Variants in BAZ1B observed in about 807,000 individuals in gnomAD.
BAZ1B encodes the protein tyrosine-protein kinase BAZ1B.
A neutral mutation model predicts 153.8 loss-of-function variants in BAZ1B; 22 were observed. The observed-to-expected ratio is 0.14, with a 90% CI of 0.10 to 0.20. The LOEUF (loss-of-function observed/expected upper bound fraction) is 0.20, where lower values mean the gene tolerates loss of function less well. BAZ1B is among the 10% of genes least tolerant of loss of function. BAZ1B has a pLI of 1.00. For missense variants in BAZ1B, 1,325 were observed against 1,799.3 expected, an observed-to-expected ratio of 0.74 and a Z score of 4.77; for synonymous variants, 676 against 633.4, an observed-to-expected ratio of 1.07 and a Z score of -1.01.
intron 6 of BAZ1B, among the ~76,000 whole-genome samples, chr7:73,481,369 T>G (rs1789191167): frequency 1.3e-5 from 2 of 151,770 alleles, no homozygotes; most frequent in Non-Finnish European, 2.9e-5. Context: ...CAAAAAATTT[T>G]AGCCAGGTGC....
chr7:73,491,201 G>A lies in BAZ1B; in HGVS notation c.693+1599C>T, dbSNP rs985261199. Among the ~76,000 whole-genome samples the A allele has an allele frequency of 1.3e-4, 19 of 151,888 alleles. 1 individual carries two copies. The highest frequency in any genetic ancestry group is 8.4e-4 in the South Asian group (4 of 4,790). ...CTTGTGAGGCTGAGGCAGGAGAATC[G>A]CTTGAATCCGAGAGGCAGAGGCTGT... On this transcript the variant is annotated intron_variant, in intron 5 of 19. Transcript: ENST00000339594.
intron 7 of BAZ1B, among the ~76,000 whole-genome samples, chr7:73,471,492 T>C (rs1046747764): frequency 5.3e-5 from 8 of 152,186 alleles, no homozygotes; most frequent in African/African-American, 1.7e-4. Context: ...CAATGCTATT[T>C]ACAATGTCAC....
At chr7:73,466,092 A>C (rs1340910145) in intron 10 of BAZ1B, among the ~76,000 whole-genome samples, 2 of 152,206 alleles carry the variant, frequency 1.3e-5, no homozygotes, top group Admixed American at 1.3e-4. Context: ...GAAAAAATCA[A>C]AATTCCAACC....
At chr7:73,453,298 C>T (rs966781125) in intron 13 of BAZ1B, among the ~76,000 whole-genome samples, 2 of 152,232 alleles carry the variant, frequency 1.3e-5, no homozygotes, top group African/African-American at 4.8e-5. Flanking sequence ...CCATGCTTTC[C>T]ATTTATGTAC....
intron 1 of BAZ1B, among the ~76,000 whole-genome samples, chr7:73,517,043 C>T (rs545029851): frequency 2.0e-5 from 3 of 151,760 alleles, no homozygotes; most frequent in South Asian, 2.1e-4. Flanking sequence ...ATTAGCCAGG[C>T]GTGGTGGTGG....
intron 16 of BAZ1B, among the ~76,000 whole-genome samples, chr7:73,446,969 T>G (rs1373741245): frequency 2.0e-5 from 3 of 152,236 alleles, no homozygotes; most frequent in African/African-American, 7.2e-5. Context: ...GCCGAGGAGC[T>G]GAGAATCAGC....
chr7:73,450,739 C>T lies in BAZ1B; in HGVS notation c.3580+108G>A. The stretch of plus-strand genomic sequence containing the variant: ...CTGCAGGAGAGTAAAATCTATACCA[C>T]ACTTATATTCTGTGTACACAAAATT... On this transcript the variant is annotated intron_variant, in intron 14 of 19. Coordinates refer to ENST00000339594, the MANE Select transcript of BAZ1B (RefSeq NM_032408.4). The surrounding 1 kb of genome is among the most constrained non-coding windows in gnomAD (Gnocchi z 4.1). 7.6e-7 allele frequency: 1 copy of T among 1,321,140 alleles called. No homozygotes were observed. Among genetic ancestry groups the T allele is most frequent in the Non-Finnish European group, 1.1e-6 (1 of 947,646 alleles). The allele number at this position is 1,321,140 out of a possible 1,614,324, so 81.8% of individuals were successfully genotyped here. A position where few individuals can be genotyped will look rare whatever the true frequency, so the allele number is the denominator to read the frequency against.
intron 6 of BAZ1B, among the ~76,000 whole-genome samples, chr7:73,483,470 C>T (rs372947415): frequency 1.1e-3 from 173 of 152,234 alleles, no homozygotes; most frequent in South Asian, 3.1e-3. Context: ...TCTCAATTTC[C>T]ACATGCCTTT....
chr7:73,509,879 C>T (rs1554578338), intron 2 of BAZ1B, among the ~76,000 whole-genome samples: 1 of 152,040 alleles, frequency 6.6e-6, no homozygotes, highest in African/African-American at 2.4e-5. Flanking sequence ...GTAATCCCAG[C>T]ACTTTGGGAG....
intron 15 of BAZ1B, among the ~76,000 whole-genome samples, chr7:73,448,487 A>C (rs1554567221): frequency 6.6e-6 from 1 of 152,270 alleles, no homozygotes; most frequent in Non-Finnish European, 1.5e-5. Flanking sequence ...CAGGGCATTC[A>C]TAATCTCATG....
At position 73,476,934 on chromosome 7, in the gene BAZ1B, T is replaced by C; in HGVS notation, c.2527A>G (p.Lys843Glu). 6.2e-7 allele frequency: 1 copy of C among 1,614,112 alleles called. No homozygotes were observed. The highest frequency in any genetic ancestry group is 8.5e-7 in the Non-Finnish European group (1 of 1,180,026). Residue 843 changes from lysine (K) to glutamate (E), a missense_variant, in exon 7 of 20, where the codon AAG becomes GAG. By Grantham distance (56) the Lys-to-Glu change is moderately conservative. This residue lies in a region of BAZ1B where 431 missense variants were observed against 563.5 expected (regional missense o/e 0.76). Transcript: ENST00000339594. ...TGAATGGCAAGCAACCTTCTGCTCT[T>C]CACAGCACTAATCATGTCTTCAGCT... ...TEAEDMISAV[K>E]SRRLLAIQAK...
intron 13 of BAZ1B, among the ~76,000 whole-genome samples, chr7:73,458,126 T>A (rs1351995897): frequency 6.6e-6 from 1 of 152,186 alleles, no homozygotes; most frequent in Non-Finnish European, 1.5e-5. Flanking sequence ...GCGACTGGCA[T>A]CTGAAGTGAG....
At chr7:73,446,546 C>CAAAAAAAA (rs1175189600) in intron 16 of BAZ1B, among the ~76,000 whole-genome samples, 2 of 41,530 alleles carry the variant, frequency 4.8e-5, no homozygotes, top group African/African-American at 8.2e-5. Flanking sequence ...GAGACCATCT[C>CAAAAAAAA]AAAAAAAAAA....
chr7:73,479,851 C>A (rs1470853285), intron 6 of BAZ1B, among the ~76,000 whole-genome samples: 1 of 152,040 alleles, frequency 6.6e-6, no homozygotes, highest in Non-Finnish European at 1.5e-5. Context: ...AGCTGAAACA[C>A]GGCTAAAATA....
Position 73,508,474 on chromosome 7 carries a change from A to C in BAZ1B, c.225-3T>G. 1 of 1,603,236 alleles carries C rather than the reference A, an allele frequency of 6.2e-7. No individual in the cohort carries two copies. Among genetic ancestry groups the C allele is most frequent in the Non-Finnish European group, 8.5e-7 (1 of 1,175,416 alleles). ...AGGCAGGAAACTCCTCCTTCAAACT[A>C]AATAAATGTAATTAGTTATCAAGAA... On this transcript the variant is annotated splice_polypyrimidine_tract_variant and splice_region_variant and intron_variant, in intron 2 of 19. Coordinates refer to ENST00000339594, the MANE Select transcript of BAZ1B (RefSeq NM_032408.4).
intron 7 of BAZ1B, among the ~76,000 whole-genome samples, chr7:73,470,905 T>C (rs2116316499): frequency 6.6e-6 from 1 of 152,292 alleles, no homozygotes; most frequent in South Asian, 2.1e-4. Flanking sequence ...CAGCTAATTT[T>C]TACATTTTTA....
chr7:73,487,670 T>C (rs539517185), intron 6 of BAZ1B, among the ~76,000 whole-genome samples: 1 of 152,304 alleles, frequency 6.6e-6, no homozygotes, highest in East Asian at 1.9e-4. Context: ...AGGAATCTCA[T>C]GTGAAGACCA....
intron 6 of BAZ1B, among the ~76,000 whole-genome samples, chr7:73,481,893 G>A (rs1245130944): frequency 1.3e-5 from 2 of 152,054 alleles, no homozygotes; most frequent in African/African-American, 4.8e-5. Context: ...AAAAAAATTA[G>A]CCTGGCGCGG....
intron 6 of BAZ1B, among the ~76,000 whole-genome samples, chr7:73,479,433 G>A (rs997269414): frequency 9.3e-5 from 14 of 150,738 alleles, no homozygotes; most frequent in African/African-American, 3.4e-4. Flanking sequence ...GCTTGAACCC[G>A]GGAGGAGGAG....
Sources: gnomAD v4.1 joint callset for allele counts (sites outside exome capture counted in the v4.1 genomes callset) on GRCh38, gnomAD v4.1.1 for gene constraint, gnomAD v4.1.1 regional missense constraint, Gnocchi (gnomAD v3.1) non-coding constraint, MANE v1.5 for transcripts, NCBI Gene and HGNC (gene_info 2026-07-23, HGNC 2026-07-21) for gene names.